The following TRDMT1 variants were observed in gnomAD, a reference collection of about 807,000 sequenced individuals.
TRDMT1 encodes tRNA aspartic acid methyltransferase 1.
TRDMT1 carries 49 observed loss-of-function variants against 51.2 expected under a neutral mutation model. That is an observed-to-expected ratio of 0.96 (90% CI 0.76 to 1.21). TRDMT1 has a LOEUF of 1.21. TRDMT1 is among the 50% of genes most tolerant of loss of function. The pLI, the probability that TRDMT1 is intolerant of heterozygous loss-of-function variation, is 0.00. For missense variants in TRDMT1, 534 were observed against 462.3 expected, an observed-to-expected ratio of 1.16 and a Z score of -1.42; for synonymous variants, 187 against 164.6, an observed-to-expected ratio of 1.14 and a Z score of -1.04.
At chr10:17,196,904 T>C (rs1285502623) in intron 1 of TRDMT1, among the ~76,000 whole-genome samples, 2 of 152,190 alleles carry the variant, frequency 1.3e-5, no homozygotes, top group African/African-American at 4.8e-5. Context: ...GAAACCCATC[T>C]TTCTGGCAAG....
chr10:17,178,853 T>C (rs1842936634), intron 1 of TRDMT1, among the ~76,000 whole-genome samples: 1 of 152,150 alleles, frequency 6.6e-6, no homozygotes, highest in African/African-American at 2.4e-5. Context: ...TACCTTAGAT[T>C]ATTATTGTTA....
chr10:17,153,669 TA>T (rs765519333), intron 9 of TRDMT1, 33 bp from the exon 10 acceptor site: 2 of 1,536,028 alleles, frequency 1.3e-6, no homozygotes. Flanking sequence ...ACTAAAAAAG[TA>T]ATGTGCAACT....
At chr10:17,184,641 G>C (rs1228446645) in intron 1 of TRDMT1, among the ~76,000 whole-genome samples, 4 of 152,036 alleles carry the variant, frequency 2.6e-5, no homozygotes, top group Non-Finnish European at 5.9e-5. Context: ...TTCTGCTACA[G>C]ATACCTCTAA....
At chr10:17,189,092 G>A (rs563103276) in intron 1 of TRDMT1, among the ~76,000 whole-genome samples, 2 of 152,140 alleles carry the variant, frequency 1.3e-5, no homozygotes, top group Non-Finnish European at 2.9e-5. Context: ...TTTAGTAATT[G>A]AGTAATATGA....
intron 2 of TRDMT1, 118 bp downstream of exon 2, chr10:17,174,433 C>T: frequency 3.2e-6 from 2 of 633,986 alleles, no homozygotes; most frequent in East Asian, 2.9e-5. Flanking sequence ...TTCTCCTGAA[C>T]TCTTAAATTT....
intron 10 of TRDMT1, chr10:17,150,433 CTTCCAT>C: frequency 1.0e-6 from 1 of 985,318 alleles, no homozygotes; most frequent in African/African-American, 1.7e-5. Flanking sequence ...TCATATTGGA[CTTCCAT>C]TTGCTACATT....
intron 1 of TRDMT1, chr10:17,200,691 A>T (rs1846037787): frequency 6.4e-6 from 1 of 156,332 alleles, no homozygotes; most frequent in Non-Finnish European, 1.5e-5. Flanking sequence ...AATAATTTTG[A>T]GTGAATATCA....
Position 17,139,552 on chromosome 10 carries a change from G to A in TRDMT1, c.*9488C>T, listed in dbSNP as rs962621476. On this transcript the variant is annotated 3_prime_UTR_variant, in exon 11 of 11. Transcript: ENST00000377799. ...TGAAAAAAAAGAAAAAGAAAACAAA[G>A]TTTGGGGATACCTGGCACTCTTCAG... Among the ~76,000 whole-genome samples the A allele has an allele frequency of 1.3e-5, 2 of 152,140 alleles. No homozygotes were observed. Among genetic ancestry groups the A allele is most frequent in the Admixed American group, 6.6e-5 (1 of 15,266 alleles).
Position 17,149,052 on chromosome 10 carries a change from G to A in TRDMT1, c.1164C>T (p.Ile388=). The part of the protein sequence containing the change: ...NVHVVAKLIK[I]LYE ...AGTTATTTCAAAATTATTCATATAA[G>A]ATTTTGATTAGTTTAGCTACTACAT... Residue 388 remains isoleucine, a synonymous_variant, in exon 11 of 11, where the codon ATC becomes ATT. Coordinates refer to ENST00000377799, the MANE Select transcript of TRDMT1 (RefSeq NM_004412.7). 1.2e-6 allele frequency: 2 copies of A among 1,604,096 alleles called. No individual in the cohort carries two copies. Among genetic ancestry groups the A allele is most frequent in the Non-Finnish European group, 1.7e-6 (2 of 1,175,662 alleles).
Position 17,148,992 on chromosome 10 carries a change from T to G in TRDMT1, c.*48A>C, listed in dbSNP as rs752966057. On this transcript the variant is annotated 3_prime_UTR_variant, in exon 11 of 11. Coordinates refer to ENST00000377799, the MANE Select transcript of TRDMT1 (RefSeq NM_004412.7). Reference sequence around the variant, plus strand: ...AAAACAGAATTTCAGAATTACTCTCTGAAAATGAAGGAATATCATATGACC... The same window carrying G: ...AAAACAGAATTTCAGAATTACTCTCGGAAAATGAAGGAATATCATATGACC... The G allele has an allele frequency of 2.0e-6, 3 of 1,513,230 alleles. No homozygotes were observed. The Admixed American group carries it at 6.4e-5, about 32-fold the overall frequency. 93.7% of individuals were successfully genotyped at this position (1,513,230 alleles called of 1,614,324 possible).
At position 17,147,138 on chromosome 10, in the gene TRDMT1, T is replaced by C. The variant is rs1838188041; in HGVS notation, c.*1902A>G. On this transcript the variant is annotated 3_prime_UTR_variant, in exon 11 of 11. Transcript: ENST00000377799. The stretch of plus-strand genomic sequence containing the variant: ...ACTATAATTATAGCATAATTATTCA[T>C]AGTTACAGTAAAACTCTAAACCATT... The C allele has an allele frequency of 1.0e-6, 1 of 985,734 alleles. No homozygotes were observed. The highest frequency in any genetic ancestry group is 1.2e-6 in the Non-Finnish European group (1 of 829,822). The allele number at this position is 985,734 out of a possible 1,614,324, so 61.1% of individuals were successfully genotyped here.
At chr10:17,156,084 A>G (rs1293334811) in intron 8 of TRDMT1, among the ~76,000 whole-genome samples, 2 of 152,160 alleles carry the variant, frequency 1.3e-5, no homozygotes, top group Non-Finnish European at 2.9e-5. Flanking sequence ...TGACTCTGGT[A>G]TGGTTCTACT....
intron 6 of TRDMT1, among the ~76,000 whole-genome samples, chr10:17,159,500 G>A (rs1225907567): frequency 2.0e-5 from 3 of 151,996 alleles, no homozygotes; most frequent in Non-Finnish European, 2.9e-5. Flanking sequence ...TCCCAGCTAA[G>A]ACGTAGTATA....
In TRDMT1 at chr10:17,145,511, T is replaced by C. The variant is rs988215186; in HGVS notation, c.*3529A>G. On this transcript the variant is annotated 3_prime_UTR_variant, in exon 11 of 11. Coordinates refer to ENST00000377799, the MANE Select transcript of TRDMT1 (RefSeq NM_004412.7). ...CTACAAGAAAACTGCTGAGGCTATA[T>C]GACCCTCACACAGTTTCAAAGTCCA... The C allele has an allele frequency of 7.1e-6, 7 of 985,330 alleles. No individual in the cohort carries two copies. In the African/African-American group the frequency reaches 1.0e-4, roughly 15 times the overall value. The allele number at this position is 985,330 out of a possible 1,614,324, so 61.0% of individuals were successfully genotyped here. A position where few individuals can be genotyped will look rare whatever the true frequency, so the allele number is the denominator to read the frequency against.
rs1158142026 is a variant in TRDMT1 at position 17,141,835 on chromosome 10, C to G, written c.*7205G>C. 6.6e-6 allele frequency among the ~76,000 whole-genome samples: 1 copy of G among 152,150 alleles called. No homozygotes were observed. Among genetic ancestry groups the G allele is most frequent in the Non-Finnish European group, 1.5e-5 (1 of 68,030 alleles). On this transcript the variant is annotated 3_prime_UTR_variant, in exon 11 of 11. Transcript: ENST00000377799. The stretch of plus-strand genomic sequence containing the variant: ...TCTGCCACTTTGAAAGAAATTCATG[C>G]CAAGACACATCATAATTAAATTTCT...
chr10:17,161,544 G>T lies in TRDMT1; in HGVS notation c.328C>A (p.Gln110Lys). 7.9e-7 allele frequency: 1 copy of T among 1,267,316 alleles called. No individual in the cohort carries two copies. The highest frequency in any genetic ancestry group is 1.1e-6 in the Non-Finnish European group (1 of 935,078). The allele number at this position is 1,267,316 out of a possible 1,614,324, so 78.5% of individuals were successfully genotyped here. Residue 110 changes from glutamine to lysine, a missense_variant, in exon 5 of 11, where the codon CAA becomes AAA. Physicochemically the swap from Gln to Lys is moderately conservative, Grantham distance 53. Transcript: ENST00000377799. ...AAAAGAATATACTTTGGTAATTTTT[G>T]TAATCTATAAAAAAATAAACAAATG... is the stretch of plus-strand genomic sequence containing the variant. ...LHILDILPRL[Q>K]KLPKYILLEN...
At position 17,143,331 on chromosome 10, in the gene TRDMT1, C is replaced by T. The variant is rs551401260; in HGVS notation, c.*5709G>A. The T allele has an allele frequency of 3.2e-5, 32 of 985,422 alleles. No individual in the cohort carries two copies. The highest frequency in any genetic ancestry group is 3.1e-4 in the Admixed American group (5 of 16,286). The allele number at this position is 985,422 out of a possible 1,614,324, so 61.0% of individuals were successfully genotyped here. A position where few individuals can be genotyped will look rare whatever the true frequency, so the allele number is the denominator to read the frequency against. On this transcript the variant is annotated 3_prime_UTR_variant, in exon 11 of 11. Coordinates refer to ENST00000377799, the MANE Select transcript of TRDMT1 (RefSeq NM_004412.7). ...CAATCTCTGCCCTTGTGGAAGTTTACATTCTCTAAAACATGAAACATTTTC... is the reference window on the plus strand; with the variant it reads ...CAATCTCTGCCCTTGTGGAAGTTTATATTCTCTAAAACATGAAACATTTTC...
chr10:17,182,549 C>T (rs1843398235), intron 1 of TRDMT1, among the ~76,000 whole-genome samples: 1 of 152,158 alleles, frequency 6.6e-6, no homozygotes, highest in Admixed American at 6.5e-5. Flanking sequence ...ATTAACCATA[C>T]ATCTACAAAA....
At position 17,145,409 on chromosome 10, in the gene TRDMT1, A is replaced by C; in HGVS notation, c.*3631T>G. On this transcript the variant is annotated 3_prime_UTR_variant, in exon 11 of 11. Coordinates refer to ENST00000377799, the MANE Select transcript of TRDMT1 (RefSeq NM_004412.7). ...TGTATATAGCACATTTGAATGGTAG[A>C]TGGAAGAGATTAACTAGTAGACAGA... 1 of 985,422 alleles carries C rather than the reference A, an allele frequency of 1.0e-6. No individual in the cohort carries two copies. The highest frequency in any genetic ancestry group is 1.2e-6 in the Non-Finnish European group (1 of 829,928). The allele number at this position is 985,422 out of a possible 1,614,324, so 61.0% of individuals were successfully genotyped here.
Sources: allele counts gnomAD v4.1 joint callset (sites outside exome capture counted in the v4.1 genomes callset), GRCh38; gene constraint gnomAD v4.1.1; transcripts MANE v1.5; gene names NCBI Gene and HGNC (gene_info 2026-07-23, HGNC 2026-07-21).